ARHGAP9: variants seen among roughly 807,000 people sequenced by gnomAD.
The protein encoded by ARHGAP9 is rho GTPase-activating protein 9.
Under a neutral mutation model 87.3 loss-of-function variants are expected in ARHGAP9, and 76 were observed. That is an observed-to-expected ratio of 0.87 (90% CI 0.72 to 1.05). ARHGAP9 has a LOEUF of 1.05. Ranked by LOEUF, ARHGAP9 falls within the 50% of genes least tolerant of loss-of-function variation. The pLI is 0.00. For missense variants in ARHGAP9, 941 were observed against 960.5 expected (o/e 0.98, Z 0.27); for synonymous variants, 382 against 394.9 (o/e 0.97, Z 0.39).
At chr12:57,488,343 GC>G (rs1278986969) in intron 1 of ARHGAP9, 1 of 780,160 alleles carries the variant, frequency 1.3e-6, no homozygotes, top group Non-Finnish European at 2.0e-6. Flanking sequence ...ATCACTCCAC[GC>G]CTTCTTCCCT....
At chr12:57,480,846 T>G, upstream of ARHGAP9, 1 of 1,550,452 alleles carries the variant, frequency 6.4e-7, no homozygotes, top group Non-Finnish European at 8.7e-7. Flanking sequence ...TGTTTGGGTT[T>G]GGAGAGGTGG....
In ARHGAP9 at chr12:57,479,095, A is replaced by T; in HGVS notation, c.312T>A (p.Thr104=). The T allele has an allele frequency of 6.2e-7, 1 of 1,614,044 alleles. No individual in the cohort carries two copies. Among genetic ancestry groups the T allele is most frequent in the Non-Finnish European group, 8.5e-7 (1 of 1,179,906 alleles). ...TTVIPGQLLW[T]PGPKLFHGSL... ...GAGGGCTTAGCGCTTACTCACCAGG[A>T]GTCCAGAGCAATTGGCCGGGGATGA... The change falls in exon 2 of 18, where the codon ACT becomes ACA. Residue 104 remains threonine (T), a synonymous_variant. Coordinates refer to ENST00000393791, the MANE Select transcript of ARHGAP9 (RefSeq NM_032496.4).
At chr12:57,483,063 C>T (rs919514422), upstream of ARHGAP9, among the ~76,000 whole-genome samples, 9 of 149,830 alleles carry the variant, frequency 6.0e-5, no homozygotes, top group East Asian at 1.9e-4. Flanking sequence ...CATGCCACTG[C>T]GCTCCAGCCT....
Position 57,475,415 on chromosome 12 carries a change from G to A in ARHGAP9, c.1445-17C>T. 1.3e-6 allele frequency: 2 copies of A among 1,584,920 alleles called. No homozygotes were observed. Among genetic ancestry groups the A allele is most frequent in the Non-Finnish European group, 1.7e-6 (2 of 1,165,780 alleles). On this transcript the variant is annotated splice_polypyrimidine_tract_variant and intron_variant, in intron 11 of 17. Coordinates refer to ENST00000393791, the MANE Select transcript of ARHGAP9 (RefSeq NM_032496.4). ...GCCCCCGAACTGCAGGAGGCAGGTAGAGCGGGGCGTGAGCGCCCGGGAGCC... is the reference window on the plus strand; with the variant it reads ...GCCCCCGAACTGCAGGAGGCAGGTAAAGCGGGGCGTGAGCGCCCGGGAGCC...
At position 57,472,413 on chromosome 12, in the gene ARHGAP9, A is replaced by G. The variant is rs1872129833; in HGVS notation, c.*104T>C. The G allele has an allele frequency of 1.4e-5, 19 of 1,369,094 alleles. No homozygotes were observed. Among genetic ancestry groups the G allele is most frequent in the Non-Finnish European group, 1.8e-5 (18 of 1,023,818 alleles). The allele number at this position is 1,369,094 out of a possible 1,614,324, so 84.8% of individuals were successfully genotyped here. On this transcript the variant is annotated 3_prime_UTR_variant, in exon 18 of 18. Transcript: ENST00000393791. ...CCTCAAGTCACACTCATGAAGATAGAGACAGTCATTTGGGAGATTTAAAGG... is the reference window on the plus strand; with the variant it reads ...CCTCAAGTCACACTCATGAAGATAGGGACAGTCATTTGGGAGATTTAAAGG...
rs150883763 is a variant in ARHGAP9, at chr12:57,479,248, C to A, written c.159G>T (p.Leu53=). Residue 53 remains leucine (L), a synonymous_variant, in exon 2 of 18, where the codon CTG becomes CTT. Transcript: ENST00000393791. ...ACCAGTCGGAGTTGGTCTTTCGAAG[C>A]AGTAGGAACCTATCCCCTTCAGCCA... ...VSLAEGDRFL[L]LRKTNSDWWL... 9.7e-5 allele frequency: 157 copies of A among 1,614,190 alleles called. 1 individual carries two copies. In the African/African-American group the frequency reaches 1.6e-3, roughly 17 times the overall value.
At chr12:57,480,739 A>C (rs1874925047), upstream of ARHGAP9, 1 of 1,538,506 alleles carries the variant, frequency 6.5e-7, no homozygotes, top group East Asian at 2.4e-5. Context: ...TCCCTGGATT[A>C]CCAGCACTTT....
At position 57,479,121 on chromosome 12, in the gene ARHGAP9, C is replaced by A; in HGVS notation, c.286G>T (p.Val96Phe). The A allele has an allele frequency of 1.9e-6, 3 of 1,614,116 alleles. No individual in the cohort carries two copies. The highest frequency in any genetic ancestry group is 3.3e-4 in the Middle Eastern group (2 of 6,062). Reference protein sequence around the residue: ...ESIPSQSPTTVIPGQLLWTPG... With the variant: ...ESIPSQSPTTFIPGQLLWTPG... ...GTCCAGAGCAATTGGCCGGGGATGACGGTAGTTGGACTCTGGGAAGGGATG... is the reference window on the plus strand; with the variant it reads ...GTCCAGAGCAATTGGCCGGGGATGAAGGTAGTTGGACTCTGGGAAGGGATG... Residue 96 changes from valine (V) to phenylalanine (F), a missense_variant, in exon 2 of 18, where the codon GTC (valine) becomes TTC (phenylalanine). Coordinates refer to ENST00000393791, the MANE Select transcript of ARHGAP9 (RefSeq NM_032496.4).
rs1016346375 is a variant in ARHGAP9, at chr12:57,479,134, C to T, written c.273G>A (p.Gln91=). 1.2e-5 allele frequency: 19 copies of T among 1,614,046 alleles called. No individual in the cohort carries two copies. The highest frequency in any genetic ancestry group is 1.6e-5 in the Non-Finnish European group (19 of 1,180,030). The change falls in exon 2 of 18, where the codon CAG becomes CAA. Residue 91 remains glutamine, a synonymous_variant. Transcript: ENST00000393791. ...AYMIEESIPS[Q]SPTTVIPGQL... is the part of the protein sequence containing the mutation. ...GGCCGGGGATGACGGTAGTTGGACT[C>T]TGGGAAGGGATGGATTCCTCTATCA...
At chr12:57,477,855 T>G in intron 3 of ARHGAP9, 175 bp from the exon 4 acceptor site, 1 of 1,430,306 alleles carries the variant, frequency 7.0e-7, no homozygotes, top group Non-Finnish European at 9.2e-7. Flanking sequence ...TTTTTAAAAA[T>G]TCTCTCTCTC....
upstream of ARHGAP9, chr12:57,480,009 A>G: frequency 7.3e-7 from 1 of 1,367,698 alleles, no homozygotes; most frequent in Non-Finnish European, 9.4e-7. Flanking sequence ...CCAAATAAAT[A>G]CCAAGACCAA....
intron 1 of ARHGAP9, among the ~76,000 whole-genome samples, chr12:57,486,230 A>G (rs1446416099): frequency 6.6e-6 from 1 of 152,164 alleles, no homozygotes; most frequent in Non-Finnish European, 1.5e-5. Context: ...GCTTCCTTGC[A>G]TAATATATAC....
chr12:57,475,081 G>T (rs1299055073), intron 12 of ARHGAP9, 108 bp from the exon 13 acceptor site: 1 of 1,266,626 alleles, frequency 7.9e-7, no homozygotes, highest in Non-Finnish European at 1.1e-6. Flanking sequence ...GGCTGCCTGT[G>T]CCAGGCCTGG....
In ARHGAP9 at chr12:57,477,278, G is replaced by A. The variant is rs756734740; in HGVS notation, c.757-9C>T. 3.2e-6 allele frequency: 5 copies of A among 1,551,320 alleles called. No individual in the cohort carries two copies. The South Asian group carries it at 6.1e-5, about 19-fold the overall frequency. On this transcript the variant is annotated splice_polypyrimidine_tract_variant and intron_variant, in intron 4 of 17. Coordinates refer to ENST00000393791, the MANE Select transcript of ARHGAP9 (RefSeq NM_032496.4). ...TCCATGGAGCCAGGGTTCTGGGTTA[G>A]GGGAGGAGGAAATAAAGCTACATCC...
At chr12:57,474,810 G>A (rs904773989) in intron 13 of ARHGAP9, 65 bp downstream of exon 13, 8 of 1,606,812 alleles carry the variant, frequency 5.0e-6, no homozygotes, top group Non-Finnish European at 6.0e-6. Flanking sequence ...GGTAGAATGG[G>A]GGAGGCAGAA....
chr12:57,480,074 C>T (rs1474410862), upstream of ARHGAP9: 4 of 985,242 alleles, frequency 4.1e-6, no homozygotes, highest in Non-Finnish European at 2.4e-6. Flanking sequence ...GTTGAAATAT[C>T]ACCACCCTCC....
At chr12:57,481,554 CTCTT>C (rs555838517), upstream of ARHGAP9, among the ~76,000 whole-genome samples, 265 of 152,208 alleles carry the variant, frequency 1.7e-3, no homozygotes, top group Non-Finnish European at 2.9e-3. Context: ...TCCAGCCTCT[CTCTT>C]TCTTTTTACA....
Position 57,474,629 on chromosome 12 carries a change from T to C in ARHGAP9, c.1726A>G (p.Arg576Gly). 6.2e-7 allele frequency: 1 copy of C among 1,614,208 alleles called. No homozygotes were observed. The highest frequency in any genetic ancestry group is 2.2e-5 in the East Asian group (1 of 44,876). The change falls in exon 14 of 18, where the codon AGA (arginine) becomes GGA (glycine). Residue 576 changes from arginine (R) to glycine (G), a missense_variant. Physicochemically the swap from Arg to Gly is moderately radical, Grantham distance 125 (BLOSUM62 -2). Coordinates refer to ENST00000393791, the MANE Select transcript of ARHGAP9 (RefSeq NM_032496.4). ...ACTGGCCCACAAGCCTTCTCACCTCTGTCCACCAGAAAGCGAAGCTTCTGG... is the reference window on the plus strand; with the variant it reads ...ACTGGCCCACAAGCCTTCTCACCTCCGTCCACCAGAAAGCGAAGCTTCTGG... Reference protein sequence around the residue: ...VVQKLRFLVDRERAVTSDGRY... With the variant: ...VVQKLRFLVDGERAVTSDGRY...
intron 3 of ARHGAP9, 161 bp from the exon 4 acceptor site, chr12:57,477,841 C>T (rs1424723788): frequency 6.2e-6 from 9 of 1,455,056 alleles, no homozygotes; most frequent in Non-Finnish European, 8.1e-6. Context: ...CAGGCCCCAG[C>T]TGCTTTTTAA....
Sources: gnomAD v4.1 joint callset for allele counts (sites outside exome capture counted in the v4.1 genomes callset) on GRCh38, gnomAD v4.1.1 for gene constraint, MANE v1.5 for transcripts, NCBI Gene and HGNC (gene_info 2026-07-23, HGNC 2026-07-21) for gene names.